KIF21A: variants seen among roughly 807,000 people sequenced by gnomAD.
KIF21A encodes kinesin family member 21A.
A neutral mutation model predicts 202.9 loss-of-function variants in KIF21A; 114 were observed. The observed-to-expected ratio is 0.56, with a 90% CI of 0.48 to 0.66. KIF21A has a LOEUF of 0.66. KIF21A is among the 30% of genes least tolerant of loss of function. The pLI, the probability that KIF21A is intolerant of heterozygous loss-of-function variation, is 0.00. For missense variants in KIF21A, 1,677 were observed against 1,994.9 expected, an observed-to-expected ratio of 0.84 and a Z score of 3.04; for synonymous variants, 667 against 670.8, an observed-to-expected ratio of 0.99 and a Z score of 0.09.
chr12:39,377,322 G>A (rs536006099), intron 1 of KIF21A, among the ~76,000 whole-genome samples: 12 of 152,218 alleles, frequency 7.9e-5, no homozygotes, highest in African/African-American at 2.9e-4. Flanking sequence ...ATTTCTTGAT[G>A]TTAATTATTT....
At chr12:39,339,370 G>C (rs1947257042) in intron 16 of KIF21A, among the ~76,000 whole-genome samples, 1 of 151,824 alleles carries the variant, frequency 6.6e-6, no homozygotes, top group Non-Finnish European at 1.5e-5. Context: ...ATTCAGCATA[G>C]TAACATGCTG....
intron 1 of KIF21A, among the ~76,000 whole-genome samples, chr12:39,430,397 C>G (rs1170785765): frequency 6.6e-6 from 1 of 151,758 alleles, no homozygotes; most frequent in African/African-American, 2.4e-5. Context: ...GAAACCCTGT[C>G]TCTACTAAAA....
At chr12:39,425,077 T>C (rs1327791142) in intron 1 of KIF21A, among the ~76,000 whole-genome samples, 1 of 152,148 alleles carries the variant, frequency 6.6e-6, no homozygotes. Flanking sequence ...TTCTTAGCCC[T>C]TTTTCACTTG....
intron 1 of KIF21A, among the ~76,000 whole-genome samples, chr12:39,388,223 T>G (rs1206024155): frequency 6.6e-6 from 1 of 152,110 alleles, no homozygotes; most frequent in Non-Finnish European, 1.5e-5. Context: ...TCTATTTGTT[T>G]CTGTAAGAAC....
At position 39,351,784 on chromosome 12, in the gene KIF21A, T is replaced by C; in HGVS notation, c.1666A>G (p.Lys556Glu). 1 of 1,544,868 alleles carries C rather than the reference T, an allele frequency of 6.5e-7. No individual in the cohort carries two copies. The highest frequency in any genetic ancestry group is 1.1e-5 in the South Asian group (1 of 89,194). ...GTGATTTTATAATCCCACCTTTTTT[T>C]CTTCCTCTTTTCTTTTCTTTTCAAC... Reference protein sequence around the residue: ...EKLKRKEKRKKKRLQKLEESN... With the variant: ...EKLKRKEKRKEKRLQKLEESN... The change falls in exon 11 of 38, where the codon AAA (lysine) becomes GAA (glutamate). Residue 556 changes from lysine to glutamate, a missense_variant. Lys to Glu is a moderately conservative substitution (Grantham distance 56, BLOSUM62 1). Coordinates refer to ENST00000361418, the MANE Select transcript of KIF21A (RefSeq NM_001173464.2).
At chr12:39,333,398 G>A in intron 17 of KIF21A, 118 bp from the exon 18 acceptor site, 1 of 761,178 alleles carries the variant, frequency 1.3e-6, no homozygotes, top group Non-Finnish European at 2.3e-6. Context: ...CAGAATCTTT[G>A]AGTCAACAAC....
chr12:39,344,029 A>C (rs1467504786), intron 12 of KIF21A, among the ~76,000 whole-genome samples: 1 of 152,176 alleles, frequency 6.6e-6, no homozygotes, highest in African/African-American at 2.4e-5. Context: ...GTACCAATAC[A>C]ACAGTCTTAA....
At chr12:39,408,245 C>T (rs1190682025) in intron 1 of KIF21A, among the ~76,000 whole-genome samples, 1 of 152,076 alleles carries the variant, frequency 6.6e-6, no homozygotes, top group African/African-American at 2.4e-5. Context: ...CACCTCAGAT[C>T]GTCAGGCATT....
At chr12:39,334,434 T>C (rs1013366177) in intron 17 of KIF21A, among the ~76,000 whole-genome samples, 2 of 152,182 alleles carry the variant, frequency 1.3e-5, no homozygotes, top group Non-Finnish European at 2.9e-5. Context: ...TATGTTTATG[T>C]ATATTTCTGT....
In KIF21A at chr12:39,340,997, A is replaced by G. The variant is rs780431343; in HGVS notation, c.2019T>C (p.Thr673=). The part of the protein sequence containing the change: ...ELENSQKRLQ[T]LKKQYEEKLM... Reference sequence around the variant, plus strand: ...GCTTCTCTTCATACTGCTTTTTCAGAGTCTGCAGTCTTTTCTGGCTGTTTT... The same window carrying G: ...GCTTCTCTTCATACTGCTTTTTCAGGGTCTGCAGTCTTTTCTGGCTGTTTT... Residue 673 remains threonine, a synonymous_variant, in exon 15 of 38, where the codon ACT becomes ACC. Transcript: ENST00000361418. The G allele has an allele frequency of 6.2e-7, 1 of 1,613,016 alleles. No homozygotes were observed. Among genetic ancestry groups the G allele is most frequent in the South Asian group, 1.1e-5 (1 of 91,008 alleles).
intron 1 of KIF21A, among the ~76,000 whole-genome samples, chr12:39,403,986 G>C (rs914662563): frequency 6.6e-6 from 1 of 152,200 alleles, no homozygotes; most frequent in Non-Finnish European, 1.5e-5. Context: ...TCACCTGGGA[G>C]CTTGTTAATC....
Position 39,433,748 on chromosome 12 carries a change from A to G in KIF21A, c.44+9179T>C, listed in dbSNP as rs111576521. 8.0e-3 allele frequency among the ~76,000 whole-genome samples: 1,219 copies of G among 152,348 alleles called. 10 individuals carry two copies. The highest frequency in any genetic ancestry group is 0.013 in the Non-Finnish European group (874 of 68,030). ...AAGAATAAAAATAGTGAATTCTAATAAACTATAAAAGGATGAATTTGATAG... is the reference window on the plus strand; with the variant it reads ...AAGAATAAAAATAGTGAATTCTAATGAACTATAAAAGGATGAATTTGATAG... On this transcript the variant is annotated intron_variant, in intron 1 of 37. Transcript: ENST00000361418.
chr12:39,344,883 C>A (rs1225193048), intron 12 of KIF21A, among the ~76,000 whole-genome samples: 1 of 152,086 alleles, frequency 6.6e-6, no homozygotes, highest in East Asian at 1.9e-4. Context: ...GGAACATTAG[C>A]AATTAACCCC....
Position 39,366,406 on chromosome 12 carries a change from G to A in KIF21A, c.847C>T (p.Arg283Cys), listed in dbSNP as rs937811368. Residue 283 changes from arginine to cysteine, a missense_variant, in exon 6 of 38, where the codon CGT becomes TGT. Around this residue, in one of 3 missense-constraint regions of KIF21A, gnomAD observed 966 missense variants for 1,180.9 expected, o/e 0.82. Transcript: ENST00000361418. The part of the protein sequence containing the change: ...VDLAGSERLK[R>C]TGATGERAKE... The stretch of plus-strand genomic sequence containing the variant: ...GCCCTCTCGCCTGTAGCTCCAGTAC[G>A]CTTCAGTCTTTCAGATCCTGCGAGA... 3.7e-6 allele frequency: 6 copies of A among 1,613,778 alleles called. No individual in the cohort carries two copies. The highest frequency in any genetic ancestry group is 1.7e-5 in the Admixed American group (1 of 59,984).
intron 34 of KIF21A, among the ~76,000 whole-genome samples, chr12:39,306,683 C>G (rs1034534760): frequency 7.9e-5 from 12 of 152,136 alleles, no homozygotes; most frequent in Non-Finnish European, 4.4e-5. Context: ...CCTGTAATAG[C>G]CTGTTTAATG....
intron 1 of KIF21A, among the ~76,000 whole-genome samples, chr12:39,396,431 G>T (rs1162365307): frequency 5.3e-5 from 8 of 152,104 alleles, no homozygotes; most frequent in Admixed American, 5.2e-4. Context: ...CTTAATAAAT[G>T]TGGAAGTAAA....
Position 39,358,363 on chromosome 12 carries a change from T to C in KIF21A, c.1030A>G (p.Met344Val). 2 of 1,614,070 alleles carry C rather than the reference T, an allele frequency of 1.2e-6. No homozygotes were observed. The highest frequency in any genetic ancestry group is 1.7e-4 in the Middle Eastern group (1 of 6,058). The change falls in exon 8 of 38, where the codon ATG becomes GTG. Residue 344 changes from methionine (M) to valine (V), a missense_variant. Coordinates refer to ENST00000361418, the MANE Select transcript of KIF21A (RefSeq NM_001173464.2). ...TCTGAAGGGCTGACACATGCTATCA[T>C]GATTGTTTGGCTGAAAGTTACAAAT... ...DSLGGNSQTI[M>V]IACVSPSDRD...
At position 39,394,597 on chromosome 12, in the gene KIF21A, G is replaced by T. The variant is rs535599402; in HGVS notation, c.45-24336C>A. Among the ~76,000 whole-genome samples, 7 of 152,274 alleles carry T rather than the reference G, an allele frequency of 4.6e-5. No individual in the cohort carries two copies. The South Asian group carries it at 1.5e-3, about 32-fold the overall frequency. ...TTAAAGATCTTGGAATACAACCCCA[G>T]TGACTGCTTAAATCCCCTCCATGAT... On this transcript the variant is annotated intron_variant, in intron 1 of 37. Transcript: ENST00000361418.
At chr12:39,345,741 C>A (rs1044157672) in intron 12 of KIF21A, among the ~76,000 whole-genome samples, 158 of 151,892 alleles carry the variant, frequency 1.0e-3, no homozygotes, top group African/African-American at 3.6e-3. Context: ...AAGAAAACTT[C>A]TGATAAGAAG....
Sources: gnomAD v4.1 joint callset for allele counts (sites outside exome capture counted in the v4.1 genomes callset) on GRCh38, gnomAD v4.1.1 for gene constraint, gnomAD v4.1.1 regional missense constraint, MANE v1.5 for transcripts, NCBI Gene and HGNC (gene_info 2026-07-23, HGNC 2026-07-21) for gene names.